Variants in IL1RAPL2 observed in about 807,000 individuals in gnomAD.
IL1RAPL2 encodes the protein interleukin 1 receptor accessory protein like 2.
IL1RAPL2 carries 3 observed loss-of-function variants against 44.1 expected under a neutral mutation model. The ratio of observed to expected loss-of-function variants is 0.07; its 90% CI spans 0.03 to 0.18. The LOEUF is 0.18. Ranked by LOEUF, IL1RAPL2 falls within the 10% of genes least tolerant of loss-of-function variation. The pLI is 1.00. For missense variants in IL1RAPL2, 391 were observed against 496.4 expected, an observed-to-expected ratio of 0.79 and a Z score of 2.02; for synonymous variants, 181 against 178.8, an observed-to-expected ratio of 1.01 and a Z score of -0.10.
Position 105,767,188 on chromosome X carries a change from C to T in IL1RAPL2, c.1588C>T (p.Leu530Phe). The T allele has an allele frequency of 8.3e-7, 1 of 1,210,680 alleles. No homozygotes were observed. The highest frequency in any genetic ancestry group is 1.1e-6 in the Non-Finnish European group (1 of 894,483). Residue 530 changes from leucine (L) to phenylalanine (F), a missense_variant, in exon 11 of 11, where the codon CTT becomes TTT. Around this residue, in one of 2 missense-constraint regions of IL1RAPL2, gnomAD observed 232 missense variants for 244.8 expected, o/e 0.95. Transcript: ENST00000372582. ...EVESLKRSIKLLSLIKWKGSK... is the reference protein window; with the variant it reads ...EVESLKRSIKFLSLIKWKGSK... Reference sequence around the variant, plus strand: ...GGAATCACTAAAGCGTAGCATCAAACTTCTGTCCCTGATCAAGTGGAAGGG... The same window carrying T: ...GGAATCACTAAAGCGTAGCATCAAATTTCTGTCCCTGATCAAGTGGAAGGG...
chrX:105,110,228 A>G (rs1473591492), intron 2 of IL1RAPL2, among the ~76,000 whole-genome samples: 1 of 112,265 alleles, frequency 8.9e-6, no homozygotes, highest in African/African-American at 3.2e-5. Flanking sequence ...CTGCAAGGGA[A>G]GCTGTGAGAT....
intron 2 of IL1RAPL2, among the ~76,000 whole-genome samples, chrX:105,133,861 C>T (rs1423999914): frequency 9.0e-6 from 1 of 111,304 alleles, no homozygotes. Flanking sequence ...GACTCCACCT[C>T]TTAACACCAT....
rs181382122 is a variant in IL1RAPL2, at chrX:105,208,240, A to C, written c.356+12492A>C. 4.5e-4 allele frequency among the ~76,000 whole-genome samples: 50 copies of C among 112,126 alleles called. 1 individual carries two copies. The East Asian group carries it at 0.013, about 28-fold the overall frequency. ...ATTTTAGACATTGAGCAATTCTTAGAAAAGAAGCTAAAAGACTCAACTAAT... is the reference window on the plus strand; with the variant it reads ...ATTTTAGACATTGAGCAATTCTTAGCAAAGAAGCTAAAAGACTCAACTAAT... On this transcript the variant is annotated intron_variant, in intron 3 of 10. Transcript: ENST00000372582.
At chrX:105,543,720 TAATC>T (rs1183510973) in intron 6 of IL1RAPL2, among the ~76,000 whole-genome samples, 1 of 112,235 alleles carries the variant, frequency 8.9e-6, no homozygotes, top group East Asian at 2.8e-4. Context: ...TGTGGTACCT[TAATC>T]AAAAATTCAC....
At chrX:104,784,534 A>G (rs189815962) in intron 2 of IL1RAPL2, among the ~76,000 whole-genome samples, 2 of 111,270 alleles carry the variant, frequency 1.8e-5, no homozygotes, top group East Asian at 5.6e-4. Context: ...ATGATGATAA[A>G]ATGAATATAA....
intron 2 of IL1RAPL2, among the ~76,000 whole-genome samples, chrX:105,047,880 T>A (rs897819755): frequency 9.0e-6 from 1 of 111,380 alleles, no homozygotes; most frequent in Non-Finnish European, 1.9e-5. Flanking sequence ...AAACTTAATC[T>A]GGGAAAAGAA....
intron 2 of IL1RAPL2, among the ~76,000 whole-genome samples, chrX:105,166,761 C>T (rs769525146): frequency 8.9e-6 from 1 of 111,803 alleles, no homozygotes; most frequent in South Asian, 3.8e-4. Context: ...TCAGAAAGCA[C>T]ATGAACTAAG....
intron 2 of IL1RAPL2, among the ~76,000 whole-genome samples, chrX:104,855,681 G>GTGTTTTTTTTTTGTTTTT: frequency 1.9e-5 from 1 of 53,880 alleles, no homozygotes; most frequent in Non-Finnish European, 4.1e-5. Flanking sequence ...ATCTGGATCC[G>GTGTTTTTTTTTTGTTTTT]TTTTTTTTTT....
intron 6 of IL1RAPL2, among the ~76,000 whole-genome samples, chrX:105,606,777 A>C (rs2037295537): frequency 9.0e-6 from 1 of 111,659 alleles, no homozygotes. Context: ...AAATATGTCA[A>C]GTGAAATAAG....
chrX:104,772,117 A>C (rs756739705), intron 2 of IL1RAPL2, among the ~76,000 whole-genome samples: 7 of 111,275 alleles, frequency 6.3e-5, no homozygotes, highest in Admixed American at 1.9e-4. Context: ...TACAGTTTCA[A>C]GTTTCATTTT....
At chrX:105,710,873 G>T (rs1198625094) in intron 6 of IL1RAPL2, among the ~76,000 whole-genome samples, 2 of 107,533 alleles carry the variant, frequency 1.9e-5, no homozygotes, top group Non-Finnish European at 3.8e-5. Context: ...TTGGATGACT[G>T]ATAGAAAAGG....
At chrX:105,543,921 A>T (rs1267660522) in intron 6 of IL1RAPL2, among the ~76,000 whole-genome samples, 1 of 111,718 alleles carries the variant, frequency 9.0e-6, no homozygotes, top group African/African-American at 3.3e-5. Flanking sequence ...TTCCGTATAA[A>T]TTTTAGAATA....
chrX:105,407,197 G>A (rs1024865924), intron 5 of IL1RAPL2, among the ~76,000 whole-genome samples: 3 of 109,898 alleles, frequency 2.7e-5, no homozygotes, highest in South Asian at 3.9e-4. Context: ...TGTTCTGAGC[G>A]GTGCATAAGG....
chrX:104,962,079 G>T (rs909180199), intron 2 of IL1RAPL2, among the ~76,000 whole-genome samples: 1 of 111,239 alleles, frequency 9.0e-6, no homozygotes, highest in Non-Finnish European at 1.9e-5. Context: ...AGGCTAAAAT[G>T]TTTCCAAGGT....
intron 2 of IL1RAPL2, among the ~76,000 whole-genome samples, chrX:104,872,422 G>A (rs1466460461): frequency 1.8e-5 from 2 of 111,672 alleles, no homozygotes; most frequent in African/African-American, 3.2e-5. Flanking sequence ...GCCATTCCTT[G>A]GGCCATGAAG....
intron 2 of IL1RAPL2, among the ~76,000 whole-genome samples, chrX:104,721,376 G>T (rs1346366389): frequency 9.0e-6 from 1 of 110,647 alleles, no homozygotes; most frequent in Non-Finnish European, 1.9e-5. Flanking sequence ...CATGTTCTTT[G>T]CAGGGACACA....
At chrX:105,099,612 C>G (rs1210546905) in intron 2 of IL1RAPL2, among the ~76,000 whole-genome samples, 8 of 106,597 alleles carry the variant, frequency 7.5e-5, no homozygotes, top group African/African-American at 2.8e-4. Flanking sequence ...CTACAGGCGC[C>G]CGCCACTACG....
At chrX:105,232,085 A>T (rs1556196374) in intron 3 of IL1RAPL2, among the ~76,000 whole-genome samples, 1 of 112,008 alleles carries the variant, frequency 8.9e-6, no homozygotes, top group African/African-American at 3.2e-5. Context: ...CACAGTCTAC[A>T]TAGTGTGATG....
At chrX:105,226,582 T>C (rs1294818389) in intron 3 of IL1RAPL2, among the ~76,000 whole-genome samples, 7 of 107,746 alleles carry the variant, frequency 6.5e-5, no homozygotes, top group Non-Finnish European at 1.3e-4. Flanking sequence ...TTTGTATTTT[T>C]AGTAGAGACA....
Sources: gnomAD v4.1 joint callset for allele counts (sites outside exome capture counted in the v4.1 genomes callset) on GRCh38, gnomAD v4.1.1 for gene constraint, gnomAD v4.1.1 regional missense constraint, MANE v1.5 for transcripts, NCBI Gene and HGNC (gene_info 2026-07-23, HGNC 2026-07-21) for gene names.